The following HS6ST3 variants were observed in gnomAD, a reference collection of about 807,000 sequenced individuals.
The protein encoded by HS6ST3 is heparan sulfate 6-O-sulfotransferase 3, also known as heparan-sulfate 6-O-sulfotransferase 3.
A neutral mutation model predicts 36.7 loss-of-function variants in HS6ST3; 12 were observed. The ratio of observed to expected loss-of-function variants is 0.33; its 90% CI spans 0.21 to 0.53. The LOEUF is 0.53. Ranked by LOEUF, HS6ST3 falls within the 20% of genes least tolerant of loss-of-function variation. HS6ST3 has a pLI of 0.95. For synonymous variants in HS6ST3, 240 were observed against 257.5 expected, an observed-to-expected ratio of 0.93 and a Z score of 0.65; for missense variants, 584 against 640.9, an observed-to-expected ratio of 0.91 and a Z score of 0.96.
chr13:96,590,345 A>G (rs1422812835), intron 1 of HS6ST3, among the ~76,000 whole-genome samples: 1 of 152,032 alleles, frequency 6.6e-6, no homozygotes, highest in Non-Finnish European at 1.5e-5. Flanking sequence ...TCTCACCTAC[A>G]TTTGTTATTG....
At chr13:96,301,703 C>T (rs1410925912) in intron 1 of HS6ST3, among the ~76,000 whole-genome samples, 1 of 151,820 alleles carries the variant, frequency 6.6e-6, no homozygotes, top group African/African-American at 2.4e-5. Flanking sequence ...ACTAGCCTGG[C>T]CAACATAGTG....
At chr13:96,752,728 TC>T (rs1179189461) in intron 1 of HS6ST3, among the ~76,000 whole-genome samples, 3 of 152,278 alleles carry the variant, frequency 2.0e-5, no homozygotes, top group African/African-American at 7.2e-5. Flanking sequence ...GTAAATATTT[TC>T]CCCTAGTTTG....
chr13:96,624,709 G>A (rs2056506276), intron 1 of HS6ST3, among the ~76,000 whole-genome samples: 1 of 152,016 alleles, frequency 6.6e-6, no homozygotes, highest in South Asian at 2.1e-4. Context: ...TTGGTTTTCT[G>A]TTTTCGTGTC....
At chr13:96,777,159 A>G (rs1328118944) in intron 1 of HS6ST3, among the ~76,000 whole-genome samples, 1 of 152,084 alleles carries the variant, frequency 6.6e-6, no homozygotes, top group Non-Finnish European at 1.5e-5. Flanking sequence ...TGCTAAAAAC[A>G]CTCAATAAAC....
intron 1 of HS6ST3, among the ~76,000 whole-genome samples, chr13:96,400,155 T>TCACACACACACA (rs55957302): frequency 0.012 from 1,770 of 145,412 alleles, 26 homozygotes; most frequent in African/African-American, 0.03. Context: ...AGTGCTGAAA[T>TCACACACACACA]CACACACACA....
rs2054350505 is a variant in HS6ST3, at chr13:96,203,000, C to T, written c.707+111431C>T. Among the ~76,000 whole-genome samples the T allele has an allele frequency of 2.0e-5, 3 of 152,140 alleles. No homozygotes were observed. In the South Asian group the frequency reaches 6.2e-4, roughly 31 times the overall value. ...TTCTTTCAGTTCTTCAACTCATTCA[C>T]TCACTCCCTCACTCATTTACTCACT... On this transcript the variant is annotated intron_variant, in intron 1 of 1. Coordinates refer to ENST00000376705, the MANE Select transcript of HS6ST3 (RefSeq NM_153456.4).
At chr13:96,664,868 C>A (rs1269086977) in intron 1 of HS6ST3, among the ~76,000 whole-genome samples, 1 of 152,056 alleles carries the variant, frequency 6.6e-6, no homozygotes, top group Non-Finnish European at 1.5e-5. Context: ...CTTTAGCATT[C>A]TCTCATTAAT....
intron 1 of HS6ST3, among the ~76,000 whole-genome samples, chr13:96,253,054 T>G (rs930606474): frequency 1.1e-4 from 16 of 152,126 alleles, no homozygotes; most frequent in Non-Finnish European, 2.2e-4. Flanking sequence ...CTCAGAGACA[T>G]GTGAGGTATT....
intron 1 of HS6ST3, among the ~76,000 whole-genome samples, chr13:96,317,372 T>TTATA (rs57780978): frequency 3.6e-4 from 19 of 52,194 alleles, no homozygotes; most frequent in East Asian, 2.9e-3. Context: ...ATATATAAAA[T>TTATA]TATATATATA....
At chr13:96,618,225 A>C (rs2056481508) in intron 1 of HS6ST3, among the ~76,000 whole-genome samples, 1 of 152,028 alleles carries the variant, frequency 6.6e-6, no homozygotes, top group African/African-American at 2.4e-5. Flanking sequence ...CAGCCTCCTG[A>C]GTGGCTGGAA....
At chr13:96,331,465 G>C (rs150141912) in intron 1 of HS6ST3, among the ~76,000 whole-genome samples, 1 of 152,076 alleles carries the variant, frequency 6.6e-6, no homozygotes, top group African/African-American at 2.4e-5. Flanking sequence ...TGCCCCTGCC[G>C]GGGGGATGCC....
intron 1 of HS6ST3, among the ~76,000 whole-genome samples, chr13:96,291,435 A>G (rs61966896): frequency 0.081 from 12,269 of 152,228 alleles, 569 homozygotes; most frequent in Middle Eastern, 0.13. Flanking sequence ...GGGAAAGGAT[A>G]GGAACTGCCA....
chr13:96,721,437 C>T (rs1353060425), intron 1 of HS6ST3, among the ~76,000 whole-genome samples: 1 of 152,052 alleles, frequency 6.6e-6, no homozygotes, highest in East Asian at 1.9e-4. Flanking sequence ...AATAATAATA[C>T]TGAGAAGTTT....
chr13:96,179,659 T>A (rs1271637745), intron 1 of HS6ST3, among the ~76,000 whole-genome samples: 1 of 152,168 alleles, frequency 6.6e-6, no homozygotes, highest in Non-Finnish European at 1.5e-5. Context: ...CTCTTGCATA[T>A]TATCACCTGT....
Position 96,445,999 on chromosome 13 carries a change from C to T in HS6ST3, c.707+354430C>T, listed in dbSNP as rs540722073. Among the ~76,000 whole-genome samples, 237 of 152,052 alleles carry T rather than the reference C, an allele frequency of 1.6e-3. 1 individual carries two copies. Among genetic ancestry groups the T allele is most frequent in the African/African-American group, 5.4e-3 (225 of 41,478 alleles). On this transcript the variant is annotated intron_variant, in intron 1 of 1. Transcript: ENST00000376705. Reference sequence around the variant, plus strand: ...CATTCTGGCTAACACGGTGAAACCCCGTCTCTACTAAAAATACAAAAAAAT... The same window carrying T: ...CATTCTGGCTAACACGGTGAAACCCTGTCTCTACTAAAAATACAAAAAAAT...
At chr13:96,600,329 TACACACACAC>T (rs34142366) in intron 1 of HS6ST3, among the ~76,000 whole-genome samples, 2 of 145,976 alleles carry the variant, frequency 1.4e-5, no homozygotes, top group Non-Finnish European at 3.0e-5. Flanking sequence ...TGGAGTTAGG[TACACACACAC>T]ACACACACAC....
intron 1 of HS6ST3, among the ~76,000 whole-genome samples, chr13:96,262,094 C>T (rs773109601): frequency 3.3e-5 from 5 of 152,096 alleles, no homozygotes; most frequent in Admixed American, 6.6e-5. Context: ...TGGTGCATCA[C>T]GACTGTCATT....
At chr13:96,503,910 T>A (rs960193965) in intron 1 of HS6ST3, among the ~76,000 whole-genome samples, 1 of 152,118 alleles carries the variant, frequency 6.6e-6, no homozygotes, top group Non-Finnish European at 1.5e-5. Context: ...GAGTGTCCCA[T>A]GAGGGGTTCT....
chr13:96,582,483 T>C (rs1351822603), intron 1 of HS6ST3, among the ~76,000 whole-genome samples: 1 of 152,208 alleles, frequency 6.6e-6, no homozygotes, highest in Non-Finnish European at 1.5e-5. Context: ...TACTTGAGAT[T>C]CCAGGATGAT....
Sources: gnomAD v4.1 joint callset for allele counts (sites outside exome capture counted in the v4.1 genomes callset) on GRCh38, gnomAD v4.1.1 for gene constraint, MANE v1.5 for transcripts, NCBI Gene and HGNC (gene_info 2026-07-23, HGNC 2026-07-21) for gene names.